PRKCZ: variants seen among roughly 807,000 people sequenced by gnomAD.
PRKCZ encodes the protein protein kinase C zeta type.
A neutral mutation model predicts 79.5 loss-of-function variants in PRKCZ; 33 were observed. The observed-to-expected ratio is 0.41, with a 90% CI of 0.31 to 0.55. The LOEUF (loss-of-function observed/expected upper bound fraction) is 0.55. PRKCZ is among the 20% of genes least tolerant of loss of function. The pLI is 0.19. For missense variants in PRKCZ, 578 were observed against 813.5 expected (o/e 0.71, Z 3.52); for synonymous variants, 342 against 320.9 (o/e 1.07, Z -0.70).
intron 5 of PRKCZ, among the ~76,000 whole-genome samples, chr1:2,139,082 G>A (rs1020146333): frequency 6.6e-6 from 1 of 152,162 alleles, no homozygotes; most frequent in African/African-American, 2.4e-5. Flanking sequence ...TTTGTAGCAC[G>A]TAAAACCCAG....
chr1:2,120,285 G>A (rs1337012919), intron 4 of PRKCZ, among the ~76,000 whole-genome samples: 1 of 107,892 alleles, frequency 9.3e-6, no homozygotes, highest in African/African-American at 3.5e-5. Context: ...ATCAGCCCTT[G>A]ACTTTTCGTT....
rs1299547081 is a variant in PRKCZ at position 2,127,822 on chromosome 1, G to T, written c.335-7440G>T. On this transcript the variant is annotated intron_variant, in intron 4 of 17. Coordinates refer to ENST00000378567, the MANE Select transcript of PRKCZ (RefSeq NM_002744.6). This position sits in a 1 kb window ranked among gnomAD's most constrained non-coding sequence, Gnocchi z 5.1. ...AGTTTGTGGACCAATGGCCAACCAG[G>T]CTGAGTCAGGTGAGGTGGGGAGTCC... is the stretch of plus-strand genomic sequence containing the variant. Among the ~76,000 whole-genome samples, 1 of 152,248 alleles carries T rather than the reference G, an allele frequency of 6.6e-6. No individual in the cohort carries two copies. The highest frequency in any genetic ancestry group is 1.5e-5 in the Non-Finnish European group (1 of 68,050).
At chr1:2,085,850 G>C (rs1223227068) in intron 4 of PRKCZ, among the ~76,000 whole-genome samples, 1 of 152,184 alleles carries the variant, frequency 6.6e-6, no homozygotes, top group African/African-American at 2.4e-5. Context: ...TCACAGGCAG[G>C]TCTGCACTCA....
intron 4 of PRKCZ, among the ~76,000 whole-genome samples, chr1:2,064,733 A>G (rs1345042459): frequency 6.6e-6 from 1 of 152,240 alleles, no homozygotes; most frequent in Non-Finnish European, 1.5e-5. Context: ...TCTTTGAGCC[A>G]GTGCCACACT....
intron 9 of PRKCZ, among the ~76,000 whole-genome samples, chr1:2,155,653 A>G (rs1252106739): frequency 8.0e-6 from 1 of 125,420 alleles, no homozygotes; most frequent in African/African-American, 3.1e-5. Context: ...GGTGACAGCA[A>G]CAATGATGGT....
At chr1:2,161,533 G>C (rs1383392512) in intron 10 of PRKCZ, among the ~76,000 whole-genome samples, 1 of 152,232 alleles carries the variant, frequency 6.6e-6, no homozygotes, top group African/African-American at 2.4e-5. Flanking sequence ...GGGCCCTGCT[G>C]TTTCCTGATG....
intron 11 of PRKCZ, among the ~76,000 whole-genome samples, 184 bp downstream of exon 11, chr1:2,169,788 TGACGGG>T (rs1436011902): frequency 7.7e-5 from 1 of 13,050 alleles, no homozygotes; most frequent in African/African-American, 3.2e-4. Flanking sequence ...GGAGGGGGTA[TGACGGG>T]GGCGGGGGGG....
intron 4 of PRKCZ, among the ~76,000 whole-genome samples, chr1:2,131,612 G>C (rs1441401517): frequency 6.6e-6 from 1 of 152,188 alleles, no homozygotes; most frequent in African/African-American, 2.4e-5. Context: ...AGGAGCGCAG[G>C]ACTCGGCAAT....
intron 4 of PRKCZ, among the ~76,000 whole-genome samples, chr1:2,131,624 T>C (rs1244534326): frequency 6.6e-6 from 1 of 152,156 alleles, no homozygotes; most frequent in African/African-American, 2.4e-5. Context: ...CTCGGCAATA[T>C]AAAGCGTGGT....
chr1:2,101,823 G>A (rs750528712), intron 4 of PRKCZ, among the ~76,000 whole-genome samples: 15 of 152,190 alleles, frequency 9.9e-5, no homozygotes, highest in East Asian at 1.9e-4. Flanking sequence ...ATGCGTGATC[G>A]AGACGCACAG....
At chr1:2,064,137 G>A (rs1440253881) in intron 4 of PRKCZ, among the ~76,000 whole-genome samples, 2 of 152,202 alleles carry the variant, frequency 1.3e-5, no homozygotes, top group Non-Finnish European at 2.9e-5. Context: ...GTGAGCTGCC[G>A]TGCCCGGCTT....
intron 4 of PRKCZ, among the ~76,000 whole-genome samples, chr1:2,081,802 C>T (rs569459609): frequency 1.8e-4 from 28 of 152,174 alleles, no homozygotes; most frequent in Middle Eastern, 3.4e-3. Flanking sequence ...AGGCACGCCC[C>T]CCACACCCCA....
Position 2,144,301 on chromosome 1 carries a change from G to A in PRKCZ, c.512G>A (p.Arg171His), listed in dbSNP as rs142085528. The A allele has an allele frequency of 4.2e-4, 658 of 1,572,532 alleles. 3 individuals carry two copies. The Admixed American group carries it at 4.2e-3, about 10-fold the overall frequency. ...CINCKLLVHK[R>H]CHGLVPLTCR... ...AACTGCAAACTGCTGGTCCATAAGC[G>A]CTGCCACGGCCTCGTCCCGCTGACC... The change falls in exon 6 of 18, where the codon CGC becomes CAC. Residue 171 changes from arginine to histidine, a missense_variant. Arg to His is a conservative substitution (Grantham distance 29). Around this residue, in one of 4 missense-constraint regions of PRKCZ, gnomAD observed 16 missense variants for 37.4 expected, o/e 0.43. Coordinates refer to ENST00000378567, the MANE Select transcript of PRKCZ (RefSeq NM_002744.6).
intron 4 of PRKCZ, among the ~76,000 whole-genome samples, chr1:2,113,912 G>A (rs1571489891): frequency 6.6e-6 from 1 of 152,240 alleles, no homozygotes; most frequent in East Asian, 1.9e-4. Context: ...ATGATGGTGT[G>A]GGAGTGTAGA....
chr1:2,145,528 TTATC>T (rs1430149638), intron 6 of PRKCZ: 1 of 154,008 alleles, frequency 6.5e-6, no homozygotes, highest in Admixed American at 6.5e-5. Context: ...TTTATGTTCT[TTATC>T]TAATTCAGTA....
At chr1:2,164,141 T>C (rs935408984) in intron 10 of PRKCZ, among the ~76,000 whole-genome samples, 1 of 152,182 alleles carries the variant, frequency 6.6e-6, no homozygotes, top group African/African-American at 2.4e-5. Flanking sequence ...AGGATTTTTT[T>C]TGGTTGATAT....
At chr1:2,050,161 C>T (rs1037989010), upstream of PRKCZ, 1 of 152,126 alleles carries the variant, frequency 6.6e-6, no homozygotes, top group South Asian at 2.1e-4. Flanking sequence ...GGCCGGGGCC[C>T]CTCCGGTTGC....
intron 10 of PRKCZ, among the ~76,000 whole-genome samples, chr1:2,157,740 A>T (rs184126913): frequency 5.4e-5 from 8 of 146,868 alleles, no homozygotes; most frequent in Non-Finnish European, 3.0e-5. Context: ...TTAAATAAAG[A>T]TAGGGTCTTG....
intron 6 of PRKCZ, 34 bp from the exon 7 acceptor site, chr1:2,145,993 T>C (rs1315739949): frequency 6.4e-7 from 1 of 1,557,586 alleles, no homozygotes; most frequent in Admixed American, 1.7e-5. Context: ...CTCTAGCACT[T>C]GGTCATGCTG....
Sources: gnomAD v4.1 joint callset for allele counts (sites outside exome capture counted in the v4.1 genomes callset) on GRCh38, gnomAD v4.1.1 for gene constraint, gnomAD v4.1.1 regional missense constraint, Gnocchi (gnomAD v3.1) non-coding constraint, MANE v1.5 for transcripts, NCBI Gene and HGNC (gene_info 2026-07-23, HGNC 2026-07-21) for gene names.